The following TMEM200A variants were observed in gnomAD, a reference collection of about 807,000 sequenced individuals.
The protein encoded by TMEM200A is two transmembrane C.
A neutral mutation model predicts 24.3 loss-of-function variants in TMEM200A; 12 were observed. The observed-to-expected ratio is 0.49, with a 90% CI of 0.32 to 0.80. The LOEUF (loss-of-function observed/expected upper bound fraction) is 0.80. Ranked by LOEUF, TMEM200A falls within the 30% of genes least tolerant of loss-of-function variation. The probability of loss-of-function intolerance (pLI) is 0.04; values close to 1 mark genes in which losing one functional copy is unlikely to be tolerated. For synonymous variants in TMEM200A, 224 were observed against 224.4 expected (o/e 1.00, Z 0.02); for missense variants, 545 against 614.4 (o/e 0.89, Z 1.19).
At chr6:130,413,462 A>C (rs1270298253) in intron 2 of TMEM200A, among the ~76,000 whole-genome samples, 2 of 152,124 alleles carry the variant, frequency 1.3e-5, no homozygotes, top group Non-Finnish European at 2.9e-5. Context: ...TCCTCAGGCC[A>C]AATCTTCTTC....
intron 2 of TMEM200A, among the ~76,000 whole-genome samples, chr6:130,399,159 C>A (rs1387521317): frequency 6.6e-6 from 1 of 152,076 alleles, no homozygotes; most frequent in Admixed American, 6.6e-5. Context: ...TATACTTACT[C>A]ACATTATTGT....
At chr6:130,382,265 C>A (rs571833604) in intron 1 of TMEM200A, among the ~76,000 whole-genome samples, 1 of 152,288 alleles carries the variant, frequency 6.6e-6, no homozygotes, top group East Asian at 1.9e-4. Flanking sequence ...GTGTGTGGCA[C>A]AAAGTGGACA....
chr6:130,366,186 GGCCCTCTGTGA>G lies in TMEM200A; in HGVS notation c.-416_-406del. On this transcript the variant is annotated 5_prime_UTR_variant, in exon 1 of 3. It removes the in-frame stop codon of an upstream open reading frame in the 5' UTR. Coordinates refer to ENST00000296978, the MANE Select transcript of TMEM200A (RefSeq NM_001258277.2). The surrounding 1 kb of genome is among the most constrained non-coding windows in gnomAD (Gnocchi z 4.4). ...CTGGACTCTGCGCCCGGATGGCGGC[GGCCCTCTGTGA>G]GCACCGGCAGCGGCGCATCCCCTGC... 1.0e-6 allele frequency: 1 copy of G among 985,206 alleles called. No individual in the cohort carries two copies. Among genetic ancestry groups the G allele is most frequent in the Non-Finnish European group, 1.2e-6 (1 of 829,786 alleles). The allele number at this position is 985,206 out of a possible 1,614,324, so 61.0% of individuals were successfully genotyped here.
In TMEM200A at chr6:130,441,415, G is replaced by T; in HGVS notation, c.993G>T (p.Leu331Phe). Residue 331 changes from leucine to phenylalanine, a missense_variant, in exon 3 of 3, where the codon TTG (leucine) becomes TTT (phenylalanine). By Grantham distance (22) the Leu-to-Phe change is conservative. Transcript: ENST00000296978. Reference sequence around the variant, plus strand: ...CAATGGATTCCCTTGTGGTTCCTTTGCCCAACACCAGTGAATCCTTCCAGC... The same window carrying T: ...CAATGGATTCCCTTGTGGTTCCTTTTCCCAACACCAGTGAATCCTTCCAGC... ...NLSMDSLVVP[L>F]PNTSESFQPV... 6.2e-7 allele frequency: 1 copy of T among 1,614,024 alleles called. No individual in the cohort carries two copies. Among genetic ancestry groups the T allele is most frequent in the Non-Finnish European group, 8.5e-7 (1 of 1,179,988 alleles).
At chr6:130,429,082 C>T (rs1779814097) in intron 2 of TMEM200A, among the ~76,000 whole-genome samples, 2 of 152,098 alleles carry the variant, frequency 1.3e-5, no homozygotes, top group South Asian at 4.1e-4. Flanking sequence ...AATGCTACAG[C>T]AGTGTAACAA....
Position 130,441,688 on chromosome 6 carries a change from G to A in TMEM200A, c.1266G>A (p.Leu422=). 6.2e-7 allele frequency: 1 copy of A among 1,614,070 alleles called. No homozygotes were observed. The change falls in exon 3 of 3, where the codon TTG becomes TTA. Residue 422 remains leucine, a synonymous_variant. Coordinates refer to ENST00000296978, the MANE Select transcript of TMEM200A (RefSeq NM_001258277.2). ...GGAAACATCCAAGTTGGCCTAGGTT[G>A]GATCGGAACAACAGCAAGGGATATA... ...EQRKHPSWPR[L]DRNNSKGYMK... is the part of the protein sequence containing the mutation.
At chr6:130,380,367 T>C (rs536335538) in intron 1 of TMEM200A, among the ~76,000 whole-genome samples, 1 of 152,360 alleles carries the variant, frequency 6.6e-6, no homozygotes, top group East Asian at 1.9e-4. Flanking sequence ...TGCTAAGTGA[T>C]ATATTATTTT....
At chr6:130,421,336 C>T (rs1222281006) in intron 2 of TMEM200A, 2 of 152,034 alleles carry the variant, frequency 1.3e-5, no homozygotes, top group Admixed American at 6.6e-5. Flanking sequence ...TCCCAAGACT[C>T]GCGGATGTTA....
chr6:130,412,038 C>A, intron 2 of TMEM200A, among the ~76,000 whole-genome samples: 1 of 149,862 alleles, frequency 6.7e-6, no homozygotes, highest in East Asian at 1.9e-4. Context: ...CATATTTGAC[C>A]AGTGGAAGCT....
chr6:130,440,800 A>G lies in TMEM200A; in HGVS notation c.378A>G (p.Lys126=). The change falls in exon 3 of 3, where the codon AAA becomes AAG. Residue 126 remains lysine (K), a synonymous_variant. Coordinates refer to ENST00000296978, the MANE Select transcript of TMEM200A (RefSeq NM_001258277.2). ...AGCATTTGCATTCTGATAAGATGAAAATGCTTGGCCCATTCACCATGGGGA... is the reference window on the plus strand; with the variant it reads ...AGCATTTGCATTCTGATAAGATGAAGATGCTTGGCCCATTCACCATGGGGA... ...FEQHLHSDKM[K]MLGPFTMGIG... 1 of 1,613,842 alleles carries G rather than the reference A, an allele frequency of 6.2e-7. No individual in the cohort carries two copies. Among genetic ancestry groups the G allele is most frequent in the South Asian group, 1.1e-5 (1 of 91,074 alleles).
intron 2 of TMEM200A, among the ~76,000 whole-genome samples, chr6:130,401,098 A>G (rs1229678453): frequency 1.3e-5 from 2 of 151,962 alleles, no homozygotes; most frequent in African/African-American, 4.8e-5. Context: ...TCAGCTATGC[A>G]TTAACCTTTT....
intron 2 of TMEM200A, among the ~76,000 whole-genome samples, chr6:130,390,014 C>T (rs1187106376): frequency 6.6e-6 from 1 of 152,110 alleles, no homozygotes; most frequent in Non-Finnish European, 1.5e-5. Flanking sequence ...AGGCACTTGT[C>T]GAGAATGGCC....
intron 2 of TMEM200A, among the ~76,000 whole-genome samples, chr6:130,400,687 C>T (rs981944525): frequency 1.2e-4 from 18 of 151,910 alleles, no homozygotes; most frequent in African/African-American, 4.1e-4. Context: ...GGTTTTTGTA[C>T]TTCATGGAGA....
At chr6:130,381,160 C>T (rs1778586951) in intron 1 of TMEM200A, among the ~76,000 whole-genome samples, 1 of 152,142 alleles carries the variant, frequency 6.6e-6, no homozygotes, top group Non-Finnish European at 1.5e-5. Context: ...TTCAGAGTCT[C>T]CTGTTTAATA....
intron 2 of TMEM200A, among the ~76,000 whole-genome samples, chr6:130,408,057 A>G (rs1417453058): frequency 6.6e-6 from 1 of 152,192 alleles, no homozygotes; most frequent in African/African-American, 2.4e-5. Context: ...AGCACGGTCA[A>G]GGAGTTTGGA....
intron 2 of TMEM200A, among the ~76,000 whole-genome samples, chr6:130,389,864 T>A (rs552322463): frequency 6.6e-6 from 1 of 152,276 alleles, no homozygotes; most frequent in East Asian, 1.9e-4. Context: ...TTACATGGGC[T>A]TCCATTGTTA....
At chr6:130,374,653 A>T (rs1278001740) in intron 1 of TMEM200A, among the ~76,000 whole-genome samples, 1 of 151,964 alleles carries the variant, frequency 6.6e-6, no homozygotes, top group Non-Finnish European at 1.5e-5. Flanking sequence ...CGAACTCCTG[A>T]CCTCAGGTAA....
In TMEM200A at chr6:130,440,180, A is replaced by G. The variant is rs141333213; in HGVS notation, c.-16-227A>G. The stretch of plus-strand genomic sequence containing the variant: ...TAACAGAAATGTAACTGAAAAAATA[A>G]TAGAAATGTTTACTTAGCCAAAAAG... On this transcript the variant is annotated intron_variant, in intron 2 of 2. Coordinates refer to ENST00000296978, the MANE Select transcript of TMEM200A (RefSeq NM_001258277.2). Among the ~76,000 whole-genome samples the G allele has an allele frequency of 6.8e-4, 103 of 152,342 alleles. 1 individual carries two copies. The South Asian group carries it at 0.011, about 16-fold the overall frequency.
At position 130,442,897 on chromosome 6, in the gene TMEM200A, G is replaced by A. The variant is rs369581319; in HGVS notation, c.*999G>A. 6.0e-6 allele frequency: 1 copy of A among 165,408 alleles called. No homozygotes were observed. The highest frequency in any genetic ancestry group is 2.4e-5 in the African/African-American group (1 of 41,288). 10.2% of individuals were successfully genotyped at this position (165,408 alleles called of 1,614,324 possible). A position where few individuals can be genotyped will look rare whatever the true frequency, so the allele number is the denominator to read the frequency against. ...TTTTACCTTCATATGCCACTATCTCGGTAGTTCAAAAAAATTTAGTTCTTG... is the reference window on the plus strand; with the variant it reads ...TTTTACCTTCATATGCCACTATCTCAGTAGTTCAAAAAAATTTAGTTCTTG... On this transcript the variant is annotated 3_prime_UTR_variant, in exon 3 of 3. Coordinates refer to ENST00000296978, the MANE Select transcript of TMEM200A (RefSeq NM_001258277.2).
Sources: gnomAD v4.1 joint callset for allele counts (sites outside exome capture counted in the v4.1 genomes callset) on GRCh38, gnomAD v4.1.1 for gene constraint, Gnocchi (gnomAD v3.1) non-coding constraint, MANE v1.5 for transcripts, NCBI Gene and HGNC (gene_info 2026-07-23, HGNC 2026-07-21) for gene names.